The following ZNF577 variants were observed in gnomAD, a reference collection of about 807,000 sequenced individuals.
ZNF577 encodes zinc finger protein 577.
A neutral mutation model predicts 13.9 loss-of-function variants in ZNF577; 14 were observed. The observed-to-expected ratio is 1.00, with a 90% CI of 0.66 to 1.57. ZNF577 has a LOEUF of 1.57. ZNF577 is among the 40% of genes most tolerant of loss of function. ZNF577 has a pLI of 0.00. For synonymous variants in ZNF577, 203 were observed against 202.9 expected, an observed-to-expected ratio of 1.00 and a Z score of 0.00; for missense variants, 555 against 579.2, an observed-to-expected ratio of 0.96 and a Z score of 0.43.
chr19:51,841,647 G>T (rs751948658), intron 8 of ZNF577, among the ~76,000 whole-genome samples: 1 of 152,150 alleles, frequency 6.6e-6, no homozygotes, highest in Non-Finnish European at 1.5e-5. Context: ...GGCCCGATGC[G>T]GTGGCTCATG....
At chr19:51,827,996 C>A (rs1046095375) in intron 9 of ZNF577, among the ~76,000 whole-genome samples, 1 of 152,056 alleles carries the variant, frequency 6.6e-6, no homozygotes, top group Non-Finnish European at 1.5e-5. Context: ...TTCATTTGCA[C>A]GTTTGACTCC....
At position 51,868,854 on chromosome 19, in the gene ZNF577, C is replaced by T. The variant is rs745946531; in HGVS notation, c.*3678G>A. ...GTAACCCTAGCCTCAACCCTGTGCTCGCAGAAACATGTGCTGTGTTGACTC... is the reference window on the plus strand; with the variant it reads ...GTAACCCTAGCCTCAACCCTGTGCTTGCAGAAACATGTGCTGTGTTGACTC... On this transcript the variant is annotated 3_prime_UTR_variant, in exon 6 of 6. Coordinates refer to ENST00000638348, the MANE Select transcript of ZNF577 (RefSeq NM_001370449.1). Among the ~76,000 whole-genome samples, 2 of 152,182 alleles carry T rather than the reference C, an allele frequency of 1.3e-5. No individual in the cohort carries two copies. Among genetic ancestry groups the T allele is most frequent in the African/African-American group, 2.4e-5 (1 of 41,456 alleles).
rs1386969189 is a variant in ZNF577, at chr19:51,867,290, G to GT, written c.*5241dup. Among the ~76,000 whole-genome samples the GT allele has an allele frequency of 1.3e-5, 2 of 152,028 alleles. No individual in the cohort carries two copies. Among genetic ancestry groups the GT allele is most frequent in the East Asian group, 1.9e-4 (1 of 5,190 alleles). ...GCAAAACCTCACCGGGGCTTTTATCGTTTTTTTCTTCGGTTCTTAGGAAAA... is the reference window on the plus strand; with the variant it reads ...GCAAAACCTCACCGGGGCTTTTATCGTTTTTTTTCTTCGGTTCTTAGGAAAA... On this transcript the variant is annotated 3_prime_UTR_variant, in exon 6 of 6. Coordinates refer to ENST00000638348, the MANE Select transcript of ZNF577 (RefSeq NM_001370449.1).
chr19:51,859,810 CTTATG>C (rs1414557817), intron 5 of ZNF577, among the ~76,000 whole-genome samples: 2 of 151,992 alleles, frequency 1.3e-5, no homozygotes, highest in Middle Eastern at 3.2e-3. Context: ...AACATTTTGT[CTTATG>C]TTGAGAATTT....
rs751933565 is a variant in ZNF577 at position 51,824,224 on chromosome 19, C to G, written c.*600-12550G>C. 7.4e-6 allele frequency: 12 copies of G among 1,614,006 alleles called. No individual in the cohort carries two copies. The highest frequency in any genetic ancestry group is 1.7e-6 in the Non-Finnish European group (2 of 1,180,022). On this transcript the variant is annotated intron_variant and NMD_transcript_variant, in intron 9 of 10. Transcript: ENST00000638827. The surrounding 1 kb of genome is among the most constrained non-coding windows in gnomAD (Gnocchi z 4.7). ...ATTTTCACCATAGTCCTTACCTTACCAAATTTCATCTTCTGGACTACAATA... is the reference window on the plus strand; with the variant it reads ...ATTTTCACCATAGTCCTTACCTTACGAAATTTCATCTTCTGGACTACAATA...
chr19:51,835,999 T>G (rs1331129275), intron 9 of ZNF577, among the ~76,000 whole-genome samples: 1 of 152,048 alleles, frequency 6.6e-6, no homozygotes, highest in Non-Finnish European at 1.5e-5. Context: ...GACCTTGAAA[T>G]CAATATCTTA....
chr19:51,805,763 C>A (rs557813525), intron 10 of ZNF577, among the ~76,000 whole-genome samples: 1 of 152,150 alleles, frequency 6.6e-6, no homozygotes, highest in Non-Finnish European at 1.5e-5. Context: ...CAGAGGACAT[C>A]ACAACAGAAG....
At chr19:51,882,185 T>C (rs1202019978) in intron 1 of ZNF577, among the ~76,000 whole-genome samples, 1 of 152,056 alleles carries the variant, frequency 6.6e-6, no homozygotes, top group Non-Finnish European at 1.5e-5. Flanking sequence ...TACGCATGAA[T>C]GGGTTGGAGC....
At chr19:51,857,998 C>T (rs2084456009) in intron 5 of ZNF577, among the ~76,000 whole-genome samples, 1 of 152,056 alleles carries the variant, frequency 6.6e-6, no homozygotes, top group Admixed American at 6.6e-5. Context: ...AGTCTTTGAG[C>T]TTTACAGGGC....
Position 51,873,019 on chromosome 19 carries a change from T to A in ZNF577, c.971A>T (p.Lys324Ile). ...TTCACACTCACTACATTCATAAGGT[T>A]TCTCTCCCGTATGAATCCTCTGATG... ...TRHQRIHTGE[K>I]PYECSECEKA... Residue 324 changes from lysine (K) to isoleucine (I), a missense_variant, in exon 6 of 6, where the codon AAA (lysine) becomes ATA (isoleucine). Physicochemically the swap from Lys to Ile is moderately radical, Grantham distance 102 (BLOSUM62 -3). Coordinates refer to ENST00000638348, the MANE Select transcript of ZNF577 (RefSeq NM_001370449.1). 1 of 1,614,206 alleles carries A rather than the reference T, an allele frequency of 6.2e-7. No individual in the cohort carries two copies. The highest frequency in any genetic ancestry group is 1.1e-5 in the South Asian group (1 of 91,082).
intron 9 of ZNF577, among the ~76,000 whole-genome samples, chr19:51,831,845 A>T (rs1355299239): frequency 6.6e-6 from 1 of 152,210 alleles, no homozygotes; most frequent in African/African-American, 2.4e-5. Flanking sequence ...ATACCAAATC[A>T]TTCTTGTCTC....
In ZNF577 at chr19:51,824,455, C is replaced by T. The variant is rs1379995512; in HGVS notation, c.*600-12781G>A. ...ATTCACAGAAACCACATGATTAAAT[C>T]CAGCCGTCCCTTACGTGTCTTCGCT... On this transcript the variant is annotated intron_variant and NMD_transcript_variant, in intron 9 of 10. Coordinates refer to the ZNF577 transcript ENST00000638827. The surrounding 1 kb of genome is among the most constrained non-coding windows in gnomAD (Gnocchi z 4.7). 19 of 1,613,964 alleles carry T rather than the reference C, an allele frequency of 1.2e-5. No homozygotes were observed. Among genetic ancestry groups the T allele is most frequent in the Non-Finnish European group, 1.5e-5 (18 of 1,180,000 alleles).
chr19:51,825,255 G>T (rs1471064900), intron 9 of ZNF577: 1 of 175,506 alleles, frequency 5.7e-6, no homozygotes, highest in African/African-American at 2.4e-5. Context: ...TACTACAAAG[G>T]ATACAGATGA....
chr19:51,832,190 A>G (rs2084264346), intron 9 of ZNF577, among the ~76,000 whole-genome samples: 3 of 151,984 alleles, frequency 2.0e-5, no homozygotes, highest in African/African-American at 7.3e-5. Flanking sequence ...TGAGAAAGAG[A>G]GTGGGTATCC....
At position 51,855,371 on chromosome 19, in the gene ZNF577, G is replaced by GTGTGTGTGTA. The variant is rs1446218889; in HGVS notation, c.284-10441_284-10440insTACACACACA. ...TTCCACTCTTTGCTGAGGGTGCTGT[G>GTGTGTGTGTA]TGTGTGTGTGTGTGTGTGTGTGTGT... On this transcript the variant is annotated intron_variant and NMD_transcript_variant, in intron 5 of 10. Transcript: ENST00000638827. Among the ~76,000 whole-genome samples the GTGTGTGTGTA allele has an allele frequency of 9.1e-4, 61 of 67,216 alleles. 1 individual carries two copies. The highest frequency in any genetic ancestry group is 3.9e-3 in the African/African-American group (60 of 15,454). 44.1% of individuals were successfully genotyped at this position (67,216 alleles called of 152,430 possible). A position where few individuals can be genotyped will look rare whatever the true frequency, so the allele number is the denominator to read the frequency against.
At chr19:51,832,789 G>A (rs2084267020) in intron 9 of ZNF577, among the ~76,000 whole-genome samples, 1 of 150,832 alleles carries the variant, frequency 6.6e-6, no homozygotes, top group Non-Finnish European at 1.5e-5. Flanking sequence ...ATCATTTGTT[G>A]AAAATAATAT....
At chr19:51,841,764 C>A (rs4801900) in intron 8 of ZNF577, among the ~76,000 whole-genome samples, 1 of 152,096 alleles carries the variant, frequency 6.6e-6, no homozygotes, top group South Asian at 2.1e-4. Context: ...ACTAAAAATA[C>A]AAAAATTAGC....
chr19:51,838,535 T>C (rs10412936), intron 9 of ZNF577, among the ~76,000 whole-genome samples: 11,197 of 148,158 alleles, frequency 0.076, 640 homozygotes, highest in South Asian at 0.22. Context: ...TATAAGAGGG[T>C]TAAAAAAAGA....
At chr19:51,882,769 A>C (rs1191930110) in intron 1 of ZNF577, among the ~76,000 whole-genome samples, 1 of 152,064 alleles carries the variant, frequency 6.6e-6, no homozygotes, top group East Asian at 1.9e-4. Flanking sequence ...TGGGCAACAC[A>C]GCAAGATCCT....
Sources: allele counts gnomAD v4.1 joint callset (sites outside exome capture counted in the v4.1 genomes callset), GRCh38; gene constraint gnomAD v4.1.1; non-coding constraint Gnocchi (gnomAD v3.1); transcripts MANE v1.5; gene names NCBI Gene and HGNC (gene_info 2026-07-23, HGNC 2026-07-21).